PRKAR2B: variants seen among roughly 807,000 people sequenced by gnomAD.
PRKAR2B encodes protein kinase cAMP-dependent type II regulatory subunit beta.
In PRKAR2B, 14 loss-of-function variants were observed where a neutral mutation model predicts 49.9. That is an observed-to-expected ratio of 0.28 (90% confidence interval 0.19 to 0.44). The LOEUF (loss-of-function observed/expected upper bound fraction) is 0.44. Among genes scored for constraint, PRKAR2B ranks in the 20% least tolerant of loss-of-function variants. The probability of loss-of-function intolerance (pLI) is 1.00; values close to 1 mark genes in which losing one functional copy is unlikely to be tolerated. For synonymous variants in PRKAR2B, 196 were observed against 197.7 expected, an observed-to-expected ratio of 0.99 and a Z score of 0.07; for missense variants, 393 against 537.9, an observed-to-expected ratio of 0.73 and a Z score of 2.67.
chr7:107,122,720 C>T (rs1164587280), intron 3 of PRKAR2B, among the ~76,000 whole-genome samples: 1 of 151,986 alleles, frequency 6.6e-6, no homozygotes, highest in African/African-American at 2.4e-5. Flanking sequence ...CTGAAAAGTA[C>T]ATAAGTAAGA....
At chr7:107,116,855 C>CTA (rs1446215753) in intron 2 of PRKAR2B, among the ~76,000 whole-genome samples, 1 of 147,136 alleles carries the variant, frequency 6.8e-6, no homozygotes, top group Non-Finnish European at 1.5e-5. Flanking sequence ...CTTTACTTAG[C>CTA]TATATATATA....
chr7:107,062,328 A>G (rs1422376721), intron 1 of PRKAR2B, among the ~76,000 whole-genome samples: 3 of 152,244 alleles, frequency 2.0e-5, no homozygotes, highest in Admixed American at 1.3e-4. Context: ...TTAGAAGAAT[A>G]TTAAAGAATA....
chr7:107,083,923 T>G (rs972070158), intron 2 of PRKAR2B, among the ~76,000 whole-genome samples: 2 of 152,176 alleles, frequency 1.3e-5, no homozygotes, highest in African/African-American at 4.8e-5. Flanking sequence ...ACCTAGTTTT[T>G]AGCTATTTTA....
chr7:107,144,469 T>A (rs1361652396), intron 5 of PRKAR2B, among the ~76,000 whole-genome samples: 1 of 152,116 alleles, frequency 6.6e-6, no homozygotes, highest in Non-Finnish European at 1.5e-5. Flanking sequence ...CTTTCTTTTT[T>A]GGAGGGGCAG....
chr7:107,081,983 CAG>C (rs575092820), intron 2 of PRKAR2B: 6 of 152,318 alleles, frequency 3.9e-5, no homozygotes, highest in African/African-American at 1.4e-4. Flanking sequence ...CATTGCCTAA[CAG>C]AGTATATAGG....
chr7:107,156,200 A>G (rs1796084784), intron 8 of PRKAR2B, among the ~76,000 whole-genome samples: 1 of 152,130 alleles, frequency 6.6e-6, no homozygotes. Context: ...GCAAACCTCC[A>G]TGGCACATGT....
chr7:107,140,718 A>G, intron 4 of PRKAR2B, 129 bp from the exon 5 acceptor site: 1 of 564,516 alleles, frequency 1.8e-6, no homozygotes, highest in Non-Finnish European at 3.0e-6. Context: ...TATTTTTCTG[A>G]CAACATTTAG....
At position 107,060,294 on chromosome 7, in the gene PRKAR2B, A is replaced by T. The variant is rs573277751; in HGVS notation, c.308-9987A>T. Among the ~76,000 whole-genome samples the T allele has an allele frequency of 2.2e-4, 33 of 152,150 alleles. No homozygotes were observed. The South Asian group carries it at 6.6e-3, about 31-fold the overall frequency. On this transcript the variant is annotated intron_variant, in intron 1 of 10. Coordinates refer to ENST00000265717, the MANE Select transcript of PRKAR2B (RefSeq NM_002736.3). ...TGTAGGGGTGCACAGCTTTGACTTC[A>T]CCTCACATTGTCATATCTGCTTTAT...
chr7:107,120,995 T>A lies in PRKAR2B; in HGVS notation c.344-957T>A, dbSNP rs796077859. Among the ~76,000 whole-genome samples, 12 of 150,742 alleles carry A rather than the reference T, an allele frequency of 8.0e-5. No homozygotes were observed. In the East Asian group the frequency reaches 1.2e-3, roughly 15 times the overall value. The stretch of plus-strand genomic sequence containing the variant: ...TTAAATAAATAATTTAAAATTTTTT[T>A]AAATATTATTAAATTCAAACTATTT... On this transcript the variant is annotated intron_variant, in intron 2 of 10. Transcript: ENST00000265717.
chr7:107,061,615 T>C (rs1370458932), intron 1 of PRKAR2B, among the ~76,000 whole-genome samples: 1 of 152,142 alleles, frequency 6.6e-6, no homozygotes, highest in Non-Finnish European at 1.5e-5. Flanking sequence ...AAAGAAGACC[T>C]AAGAATGGCT....
At chr7:107,139,125 G>T (rs563420791) in intron 4 of PRKAR2B, among the ~76,000 whole-genome samples, 3 of 151,912 alleles carry the variant, frequency 2.0e-5, no homozygotes, top group African/African-American at 4.8e-5. Flanking sequence ...CTCTGCAAAA[G>T]CTCTCTACAG....
At chr7:107,128,050 A>G (rs1404412108) in intron 3 of PRKAR2B, among the ~76,000 whole-genome samples, 162 bp from the exon 4 acceptor site, 1 of 152,248 alleles carries the variant, frequency 6.6e-6, no homozygotes, top group Non-Finnish European at 1.5e-5. Flanking sequence ...CTCATAAGTT[A>G]CCAGTCACCA....
chr7:107,060,717 G>T (rs1245735767), intron 1 of PRKAR2B, among the ~76,000 whole-genome samples: 1 of 150,144 alleles, frequency 6.7e-6, no homozygotes, highest in Non-Finnish European at 1.5e-5. Flanking sequence ...CCAATCTTAG[G>T]TTTGTCTTTT....
chr7:107,149,857 T>C (rs1795951227), intron 6 of PRKAR2B, among the ~76,000 whole-genome samples: 1 of 152,176 alleles, frequency 6.6e-6, no homozygotes, highest in Admixed American at 6.5e-5. Context: ...ATAAATGTAA[T>C]TGGATTTTTT....
At chr7:107,084,921 G>A (rs570582142) in intron 2 of PRKAR2B, among the ~76,000 whole-genome samples, 3 of 152,050 alleles carry the variant, frequency 2.0e-5, no homozygotes, top group East Asian at 1.9e-4. Flanking sequence ...CACCACGCCC[G>A]GCCTATATAC....
At chr7:107,126,604 C>T (rs1198732272) in intron 3 of PRKAR2B, among the ~76,000 whole-genome samples, 1 of 151,990 alleles carries the variant, frequency 6.6e-6, no homozygotes, top group African/African-American at 2.4e-5. Flanking sequence ...CTCTCCTCTC[C>T]CCCCTTTCCT....
chr7:107,083,277 T>C (rs1794550399), intron 2 of PRKAR2B, among the ~76,000 whole-genome samples: 1 of 152,128 alleles, frequency 6.6e-6, no homozygotes, highest in Non-Finnish European at 1.5e-5. Flanking sequence ...GAGGGAATTT[T>C]ATCAAGGAAT....
At chr7:107,065,336 G>A (rs879358421) in intron 1 of PRKAR2B, among the ~76,000 whole-genome samples, 10,916 of 45,834 alleles carry the variant, frequency 0.24, 440 homozygotes, top group African/African-American at 0.35. Context: ...GTGTGTGTGT[G>A]TGTGTGTGTG....
chr7:107,051,171 A>G (rs1460105261), intron 1 of PRKAR2B, among the ~76,000 whole-genome samples: 3 of 152,212 alleles, frequency 2.0e-5, no homozygotes, highest in African/African-American at 7.2e-5. Flanking sequence ...TTTGTGCGCT[A>G]TTTATATTAA....
Sources: gnomAD v4.1 joint callset for allele counts (sites outside exome capture counted in the v4.1 genomes callset) on GRCh38, gnomAD v4.1.1 for gene constraint, MANE v1.5 for transcripts, NCBI Gene and HGNC (gene_info 2026-07-23, HGNC 2026-07-21) for gene names.